MSRA: variants seen among roughly 807,000 people sequenced by gnomAD.
MSRA encodes the protein methionine sulfoxide reductase A.
In MSRA, 54 loss-of-function variants were observed where a neutral mutation model predicts 31.3. That is an observed-to-expected ratio of 1.73 (90% confidence interval 1.39 to 2.17). MSRA has a LOEUF of 2.17. Among genes scored for constraint, MSRA ranks in the 30% most tolerant of loss-of-function variants. The pLI, the probability that MSRA is intolerant of heterozygous loss-of-function variation, is 0.00. For synonymous variants in MSRA, 169 were observed against 116.5 expected, an observed-to-expected ratio of 1.45 and a Z score of -2.90; for missense variants, 507 against 300.9, an observed-to-expected ratio of 1.69 and a Z score of -5.07.
At chr8:10,162,480 C>A (rs1291794268) in intron 1 of MSRA, among the ~76,000 whole-genome samples, 4 of 152,094 alleles carry the variant, frequency 2.6e-5, no homozygotes, top group Admixed American at 2.6e-4. Flanking sequence ...CCTTTGATTT[C>A]TGGGGGTGCC....
intron 3 of MSRA, among the ~76,000 whole-genome samples, chr8:10,294,857 G>C (rs1394214811): frequency 6.6e-6 from 1 of 152,090 alleles, no homozygotes; most frequent in Non-Finnish European, 1.5e-5. Flanking sequence ...CGGGACCAGG[G>C]CCGGCTTGGG....
In MSRA at chr8:10,155,466, C is replaced by T. The variant is rs181007063; in HGVS notation, c.143-52367C>T. ...ATCCCAATACGCACACATTCTCTCTCTCTCACTTTTCTAGTTGTATCAGCT... is the reference window on the plus strand; with the variant it reads ...ATCCCAATACGCACACATTCTCTCTTTCTCACTTTTCTAGTTGTATCAGCT... On this transcript the variant is annotated intron_variant, in intron 1 of 5. Transcript: ENST00000317173. Among the ~76,000 whole-genome samples the T allele has an allele frequency of 3.9e-5, 6 of 152,326 alleles. No homozygotes were observed. In the South Asian group the frequency reaches 8.3e-4, roughly 21 times the overall value.
intron 1 of MSRA, among the ~76,000 whole-genome samples, chr8:10,165,322 T>G (rs1383154631): frequency 6.6e-6 from 1 of 152,140 alleles, no homozygotes; most frequent in African/African-American, 2.4e-5. Flanking sequence ...TTTCTCTGGC[T>G]TAAGTGCTTC....
chr8:10,222,558 T>A (rs1037936797), intron 2 of MSRA, among the ~76,000 whole-genome samples: 1 of 152,188 alleles, frequency 6.6e-6, no homozygotes, highest in Non-Finnish European at 1.5e-5. Context: ...CTCACGTTCA[T>A]TGAGGCACTA....
chr8:10,305,012 A>C (rs566102011), intron 4 of MSRA, among the ~76,000 whole-genome samples: 1 of 152,354 alleles, frequency 6.6e-6, no homozygotes, highest in Admixed American at 6.5e-5. Context: ...ATTTGATGTG[A>C]AGATGCGCCC....
At chr8:10,260,759 G>A (rs1191594952) in intron 3 of MSRA, among the ~76,000 whole-genome samples, 4 of 152,214 alleles carry the variant, frequency 2.6e-5, no homozygotes, top group East Asian at 1.9e-4. Context: ...GTGTGCGTGT[G>A]TGTGTGCTTA....
chr8:10,110,364 G>C lies in MSRA; in HGVS notation c.142+55706G>C, dbSNP rs959548955. On this transcript the variant is annotated intron_variant, in intron 1 of 5. Transcript: ENST00000317173. ...ATCCAGATTTGTGGCTTGTTCTCCA[G>C]CCTCCCTCCCATTTTGTTACCCACT... Among the ~76,000 whole-genome samples the C allele has an allele frequency of 3.9e-5, 6 of 152,034 alleles. No homozygotes were observed. The South Asian group carries it at 1.2e-3, about 32-fold the overall frequency.
At chr8:10,169,204 A>G (rs186900832) in intron 1 of MSRA, among the ~76,000 whole-genome samples, 7 of 152,306 alleles carry the variant, frequency 4.6e-5, no homozygotes, top group Admixed American at 4.6e-4. Context: ...TCACCCCTTC[A>G]TTGGTCTAAT....
chr8:10,105,704 C>T (rs375773137), intron 1 of MSRA, among the ~76,000 whole-genome samples: 2 of 152,214 alleles, frequency 1.3e-5, no homozygotes, highest in African/African-American at 4.8e-5. Context: ...AGTAGTCTTG[C>T]TAACAAAATA....
intron 1 of MSRA, among the ~76,000 whole-genome samples, chr8:10,094,787 A>G (rs552514721): frequency 9.8e-5 from 15 of 152,358 alleles, no homozygotes; most frequent in South Asian, 6.2e-4. Context: ...GTACTTATTT[A>G]TGCTTATTAT....
At position 10,380,118 on chromosome 8, in the gene MSRA, A is replaced by G. The variant is rs139226696; in HGVS notation, c.544-48030A>G. ...TTAGCCTCAGCTTTGTCTACTATAC[A>G]TCTCCTCCTGCACATCCCAGGCATA... is the stretch of plus-strand genomic sequence containing the variant. On this transcript the variant is annotated intron_variant, in intron 5 of 5. Coordinates refer to ENST00000317173, the MANE Select transcript of MSRA (RefSeq NM_012331.5). Among the ~76,000 whole-genome samples the G allele has an allele frequency of 1.7e-4, 26 of 152,286 alleles. No individual in the cohort carries two copies. The East Asian group carries it at 4.0e-3, about 24-fold the overall frequency.
chr8:10,212,707 T>G (rs1261489149), intron 2 of MSRA, among the ~76,000 whole-genome samples: 2 of 152,164 alleles, frequency 1.3e-5, no homozygotes, highest in Non-Finnish European at 2.9e-5. Context: ...GGTAATGAAT[T>G]CTCCATTACT....
chr8:10,067,208 G>C (rs1417602762), intron 1 of MSRA, among the ~76,000 whole-genome samples: 1 of 151,966 alleles, frequency 6.6e-6, no homozygotes, highest in Non-Finnish European at 1.5e-5. Context: ...TGCAACCACT[G>C]AACTTTTTTT....
At chr8:10,153,152 A>G (rs1323416304) in intron 1 of MSRA, among the ~76,000 whole-genome samples, 1 of 152,208 alleles carries the variant, frequency 6.6e-6, no homozygotes, top group African/African-American at 2.4e-5. Context: ...GGTAAATTTA[A>G]TATGAGGTGT....
intron 3 of MSRA, among the ~76,000 whole-genome samples, chr8:10,254,304 C>A (rs944941990): frequency 3.3e-5 from 5 of 152,194 alleles, no homozygotes; most frequent in South Asian, 2.1e-4. Context: ...CTTCCTCTTT[C>A]TTTCTTGACG....
At chr8:10,372,137 C>T (rs923507940) in intron 5 of MSRA, among the ~76,000 whole-genome samples, 2 of 152,182 alleles carry the variant, frequency 1.3e-5, no homozygotes, top group African/African-American at 2.4e-5. Flanking sequence ...GGAAGGGCAT[C>T]GTTAGCTCTT....
intron 1 of MSRA, among the ~76,000 whole-genome samples, chr8:10,108,093 G>A (rs1800015119): frequency 6.6e-6 from 1 of 152,034 alleles, no homozygotes; most frequent in Non-Finnish European, 1.5e-5. Context: ...TATGAGGGAG[G>A]CCTCCCTTAG....
intron 3 of MSRA, among the ~76,000 whole-genome samples, chr8:10,251,369 A>T (rs13252180): frequency 3.3e-5 from 5 of 151,900 alleles, no homozygotes. Flanking sequence ...AAATTCCTTG[A>T]AGACTGCATT....
intron 5 of MSRA, among the ~76,000 whole-genome samples, chr8:10,422,585 GAC>G (rs973121266): frequency 2.0e-5 from 3 of 152,130 alleles, no homozygotes; most frequent in Non-Finnish European, 2.9e-5. Flanking sequence ...AGGTCAGCAA[GAC>G]ACACACACAA....
Sources: allele counts gnomAD v4.1 joint callset (sites outside exome capture counted in the v4.1 genomes callset), GRCh38; gene constraint gnomAD v4.1.1; transcripts MANE v1.5; gene names NCBI Gene and HGNC (gene_info 2026-07-23, HGNC 2026-07-21).